Variants in SCFD2 observed in about 807,000 individuals in gnomAD.
The protein encoded by SCFD2 is sec1 family domain-containing protein 2.
Under a neutral mutation model 58.9 loss-of-function variants are expected in SCFD2, and 54 were observed. The observed-to-expected ratio is 0.92, with a 90% CI of 0.74 to 1.15. SCFD2 has a LOEUF of 1.15. SCFD2 is among the 50% of genes most tolerant of loss of function. SCFD2 has a pLI of 0.00. For synonymous variants in SCFD2, 321 were observed against 335.9 expected (o/e 0.96, Z 0.49); for missense variants, 805 against 836.6 (o/e 0.96, Z 0.47).
At chr4:53,309,323 A>G (rs1016639511) in intron 3 of SCFD2, among the ~76,000 whole-genome samples, 2 of 152,242 alleles carry the variant, frequency 1.3e-5, no homozygotes, top group African/African-American at 4.8e-5. Flanking sequence ...GAAAGAACTC[A>G]TCGTATTTAA....
At chr4:52,885,693 A>C in intron 8 of SCFD2, 54 bp downstream of exon 8, 1 of 1,605,954 alleles carries the variant, frequency 6.2e-7, no homozygotes, top group Non-Finnish European at 8.5e-7. Context: ...GCCCTCACCC[A>C]CCCTTCACAC....
chr4:52,906,485 C>G (rs1719351420), intron 7 of SCFD2, among the ~76,000 whole-genome samples: 1 of 152,194 alleles, frequency 6.6e-6, no homozygotes, highest in African/African-American at 2.4e-5. Context: ...TCCCTAAACA[C>G]TTTGGAGAGG....
intron 1 of SCFD2, among the ~76,000 whole-genome samples, chr4:53,358,778 G>A (rs753513333): frequency 6.6e-6 from 1 of 152,068 alleles, no homozygotes; most frequent in Non-Finnish European, 1.5e-5. Context: ...ATTGTCCCTG[G>A]AAACAAATCA....
At chr4:53,190,142 ATCT>A (rs1727849958) in intron 4 of SCFD2, among the ~76,000 whole-genome samples, 1 of 152,174 alleles carries the variant, frequency 6.6e-6, no homozygotes, top group African/African-American at 2.4e-5. Context: ...GTATCTCCTC[ATCT>A]TCTCCTTAGC....
At position 53,106,356 on chromosome 4, in the gene SCFD2, T is replaced by A. The variant is rs866224244; in HGVS notation, c.1561+38977A>T. On this transcript the variant is annotated intron_variant, in intron 5 of 8. Transcript: ENST00000401642. ...CTGCTTGCCAGCAAGGGAACAAAAA[T>A]GGACGGAGTATGAGTTTGACGAATT... 3.3e-5 allele frequency among the ~76,000 whole-genome samples: 5 copies of A among 152,186 alleles called. No homozygotes were observed. In the South Asian group the frequency reaches 8.3e-4, roughly 25 times the overall value.
chr4:53,028,683 A>T (rs1722542052), intron 5 of SCFD2, among the ~76,000 whole-genome samples: 2 of 152,248 alleles, frequency 1.3e-5, no homozygotes, highest in South Asian at 4.1e-4. Flanking sequence ...GAAGAAAAAA[A>T]GAAGAGGAAG....
intron 5 of SCFD2, among the ~76,000 whole-genome samples, chr4:53,009,937 C>G (rs1722059103): frequency 1.3e-5 from 2 of 152,196 alleles, no homozygotes; most frequent in South Asian, 4.1e-4. Flanking sequence ...ATTTCACTGG[C>G]CTGCTGGCCT....
chr4:52,897,090 T>C (rs1156281815), intron 7 of SCFD2, among the ~76,000 whole-genome samples: 1 of 152,258 alleles, frequency 6.6e-6, no homozygotes, highest in African/African-American at 2.4e-5. Flanking sequence ...TATACAATCA[T>C]GTCATCTGCA....
At chr4:53,038,026 G>A (rs1722807460) in intron 5 of SCFD2, among the ~76,000 whole-genome samples, 1 of 152,114 alleles carries the variant, frequency 6.6e-6, no homozygotes, top group Non-Finnish European at 1.5e-5. Flanking sequence ...TGCATTCAGT[G>A]AAAAGAAAAT....
intron 5 of SCFD2, among the ~76,000 whole-genome samples, chr4:52,944,519 G>A (rs1720373432): frequency 6.6e-6 from 1 of 152,134 alleles, no homozygotes; most frequent in Admixed American, 6.5e-5. Context: ...CCATGCTAGA[G>A]AACTATGCAA....
At chr4:53,052,879 A>G (rs1046935736) in intron 5 of SCFD2, among the ~76,000 whole-genome samples, 79 of 152,196 alleles carry the variant, frequency 5.2e-4, no homozygotes, top group African/African-American at 1.8e-3. Context: ...GAAAGAAGCC[A>G]GACACAAAAG....
intron 5 of SCFD2, among the ~76,000 whole-genome samples, chr4:52,982,247 T>TC (rs1443325159): frequency 6.6e-6 from 1 of 152,180 alleles, no homozygotes; most frequent in Non-Finnish European, 1.5e-5. Flanking sequence ...TGTAACTCTC[T>TC]CCATCACCCG....
intron 4 of SCFD2, among the ~76,000 whole-genome samples, chr4:53,236,839 TATTTATTTA>T (rs200161593): frequency 0.18 from 27,379 of 150,338 alleles, 2,839 homozygotes; most frequent in Non-Finnish European, 0.24. Flanking sequence ...TTTATTTATT[TATTTATTTA>T]TTTATTTTTT....
intron 5 of SCFD2, among the ~76,000 whole-genome samples, chr4:53,001,808 T>A (rs1251891202): frequency 1.3e-5 from 2 of 152,232 alleles, no homozygotes; most frequent in Admixed American, 6.5e-5. Flanking sequence ...ACCTACAATG[T>A]CTCACTTAAT....
At chr4:52,997,688 T>C (rs192969921) in intron 5 of SCFD2, among the ~76,000 whole-genome samples, 1 of 152,266 alleles carries the variant, frequency 6.6e-6, no homozygotes, top group East Asian at 1.9e-4. Flanking sequence ...AAAATAGACT[T>C]TAGGCAAAAA....
intron 5 of SCFD2, among the ~76,000 whole-genome samples, chr4:52,978,371 G>A (rs1229452736): frequency 6.6e-6 from 1 of 152,096 alleles, no homozygotes; most frequent in Non-Finnish European, 1.5e-5. Context: ...TTTCCAACAA[G>A]CATTCTAATT....
intron 5 of SCFD2, among the ~76,000 whole-genome samples, chr4:52,977,174 G>A (rs909216822): frequency 2.6e-5 from 4 of 152,158 alleles, no homozygotes; most frequent in Admixed American, 6.5e-5. Context: ...TGGAGGTGGA[G>A]AGAATATTAA....
intron 5 of SCFD2, among the ~76,000 whole-genome samples, chr4:53,023,787 G>A (rs1347996780): frequency 6.6e-6 from 1 of 152,172 alleles, no homozygotes; most frequent in Non-Finnish European, 1.5e-5. Flanking sequence ...GCAACTGCAA[G>A]TGCTAGTCTC....
At chr4:53,216,276 T>A (rs1018631607) in intron 4 of SCFD2, among the ~76,000 whole-genome samples, 1 of 152,222 alleles carries the variant, frequency 6.6e-6, no homozygotes, top group Non-Finnish European at 1.5e-5. Context: ...CGTCTGGCTC[T>A]GGACTTTTTT....
Sources: gnomAD v4.1 joint callset for allele counts (sites outside exome capture counted in the v4.1 genomes callset) on GRCh38, gnomAD v4.1.1 for gene constraint, MANE v1.5 for transcripts, NCBI Gene and HGNC (gene_info 2026-07-23, HGNC 2026-07-21) for gene names.